The following PHACTR1 variants were observed in gnomAD, a reference collection of about 807,000 sequenced individuals.
The protein encoded by PHACTR1 is RPEL repeat containing 1.
Under a neutral mutation model 69.2 loss-of-function variants are expected in PHACTR1, and 16 were observed. The observed-to-expected ratio is 0.23, with a 90% CI of 0.16 to 0.35. PHACTR1 has a LOEUF of 0.35. PHACTR1 is among the 10% of genes least tolerant of loss of function. PHACTR1 has a pLI of 1.00. For missense variants in PHACTR1, 510 were observed against 734.7 expected, an observed-to-expected ratio of 0.69 and a Z score of 3.54; for synonymous variants, 312 against 284.5, an observed-to-expected ratio of 1.10 and a Z score of -0.97.
chr6:13,026,555 G>A (rs1307807801), intron 4 of PHACTR1, among the ~76,000 whole-genome samples: 1 of 152,114 alleles, frequency 6.6e-6, no homozygotes, highest in Non-Finnish European at 1.5e-5. Flanking sequence ...CTGGCTTGTA[G>A]AGAGGGAGGA....
chr6:13,224,526 T>C (rs1408713934), intron 8 of PHACTR1, among the ~76,000 whole-genome samples: 1 of 152,198 alleles, frequency 6.6e-6, no homozygotes, highest in Non-Finnish European at 1.5e-5. Context: ...GTTTGCAGGC[T>C]AATGGTTTTC....
intron 4 of PHACTR1, among the ~76,000 whole-genome samples, chr6:12,753,400 C>T (rs1766860968): frequency 6.6e-6 from 1 of 152,178 alleles, no homozygotes; most frequent in African/African-American, 2.4e-5. Flanking sequence ...TCTATAATTA[C>T]ATACTAAAGT....
chr6:13,138,058 C>T (rs756990382), intron 5 of PHACTR1, among the ~76,000 whole-genome samples: 3 of 152,162 alleles, frequency 2.0e-5, no homozygotes, highest in Non-Finnish European at 4.4e-5. Flanking sequence ...AGAGAGACCC[C>T]AGTGTATACT....
intron 4 of PHACTR1, among the ~76,000 whole-genome samples, chr6:12,778,455 G>A (rs1214063368): frequency 6.6e-6 from 1 of 152,128 alleles, no homozygotes; most frequent in Non-Finnish European, 1.5e-5. Flanking sequence ...GAAGAACACA[G>A]GAAAGTCTTC....
chr6:12,808,965 C>G (rs1353706509), intron 4 of PHACTR1, among the ~76,000 whole-genome samples: 2 of 151,992 alleles, frequency 1.3e-5, no homozygotes, highest in Non-Finnish European at 2.9e-5. Context: ...GCAACCTTCA[C>G]TTCCCGGGCT....
intron 6 of PHACTR1, among the ~76,000 whole-genome samples, chr6:13,171,830 A>T (rs1049210674): frequency 1.3e-5 from 2 of 152,044 alleles, no homozygotes; most frequent in African/African-American, 4.8e-5. Flanking sequence ...GCAATGGCGC[A>T]ATCTCGGCTC....
intron 7 of PHACTR1, among the ~76,000 whole-genome samples, chr6:13,189,243 T>C (rs1187089301): frequency 6.6e-6 from 1 of 152,238 alleles, no homozygotes; most frequent in Non-Finnish European, 1.5e-5. Flanking sequence ...TTACCTCTTT[T>C]CACAGATGAG....
At chr6:12,902,609 C>A (rs1358127357) in intron 4 of PHACTR1, among the ~76,000 whole-genome samples, 1 of 152,174 alleles carries the variant, frequency 6.6e-6, no homozygotes, top group African/African-American at 2.4e-5. Flanking sequence ...TGTGGTATCA[C>A]TTTTCTCCAC....
At chr6:12,845,798 A>G (rs914453845) in intron 4 of PHACTR1, among the ~76,000 whole-genome samples, 5 of 152,122 alleles carry the variant, frequency 3.3e-5, no homozygotes, top group Admixed American at 3.3e-4. Flanking sequence ...GATTTGTCTC[A>G]CCAGAAGGCA....
chr6:13,133,711 T>C (rs1223511), intron 5 of PHACTR1, among the ~76,000 whole-genome samples: 136,697 of 151,148 alleles, frequency 0.9, 62,525 homozygotes, highest in Middle Eastern at 0.98. Flanking sequence ...TCTGCCTGGC[T>C]GCCACCCCGT....
At chr6:12,857,601 TA>T (rs11382310) in intron 4 of PHACTR1, among the ~76,000 whole-genome samples, 161 of 146,468 alleles carry the variant, frequency 1.1e-3, no homozygotes, top group African/African-American at 1.9e-3. Context: ...GACTCCATCT[TA>T]AAAAAAAAAA....
intron 4 of PHACTR1, among the ~76,000 whole-genome samples, chr6:12,878,861 A>C (rs894688333): frequency 7.9e-5 from 12 of 152,332 alleles, no homozygotes; most frequent in African/African-American, 2.4e-4. Context: ...AGGAGGAGGT[A>C]GATAAAGAGG....
At chr6:13,092,831 A>G (rs1387062076) in intron 5 of PHACTR1, among the ~76,000 whole-genome samples, 15 of 152,238 alleles carry the variant, frequency 9.9e-5, no homozygotes, top group Non-Finnish European at 2.9e-5. Flanking sequence ...TTTGCTATAG[A>G]ACATGGATGA....
intron 4 of PHACTR1, among the ~76,000 whole-genome samples, chr6:12,862,561 A>G (rs972006518): frequency 1.3e-5 from 2 of 152,176 alleles, no homozygotes; most frequent in African/African-American, 4.8e-5. Context: ...CAAGAGAAGA[A>G]TGATCAGTGG....
At chr6:12,820,762 A>C (rs543490666) in intron 4 of PHACTR1, among the ~76,000 whole-genome samples, 1 of 152,304 alleles carries the variant, frequency 6.6e-6, no homozygotes, top group African/African-American at 2.4e-5. Flanking sequence ...TATTGCTTCA[A>C]ACTTAACATA....
At chr6:12,967,221 A>G (rs1793610474) in intron 4 of PHACTR1, among the ~76,000 whole-genome samples, 1 of 152,220 alleles carries the variant, frequency 6.6e-6, no homozygotes, top group African/African-American at 2.4e-5. Context: ...TAAAACTCTT[A>G]TCAGAATATT....
At chr6:13,274,808 A>G (rs946893178) in intron 11 of PHACTR1, 2 of 152,186 alleles carry the variant, frequency 1.3e-5, no homozygotes, top group Admixed American at 6.5e-5. Context: ...GATTGTTCCC[A>G]TGGTTCTCTT....
At chr6:12,743,594 A>C (rs1765358511) in intron 3 of PHACTR1, among the ~76,000 whole-genome samples, 4 of 152,182 alleles carry the variant, frequency 2.6e-5, no homozygotes, top group Admixed American at 2.0e-4. Flanking sequence ...GATCAATGCA[A>C]CAAGAAGAGC....
intron 5 of PHACTR1, among the ~76,000 whole-genome samples, chr6:13,158,979 G>T (rs1758584012): frequency 6.6e-6 from 1 of 152,216 alleles, no homozygotes; most frequent in South Asian, 2.1e-4. Context: ...TTGAGTCAGT[G>T]TGTACCGGAG....
Sources: allele counts gnomAD v4.1 joint callset (sites outside exome capture counted in the v4.1 genomes callset), GRCh38; gene constraint gnomAD v4.1.1; transcripts MANE v1.5; gene names NCBI Gene and HGNC (gene_info 2026-07-23, HGNC 2026-07-21).